Variants in POFUT3 observed in about 807,000 individuals in gnomAD.
The protein encoded by POFUT3 is protein O-fucosyltransferase 3.
the POFUT3 span, among the ~76,000 whole-genome samples, chr8:33,376,287 A>T: frequency 6.6e-6 from 1 of 152,198 alleles, no homozygotes; most frequent in African/African-American, 2.4e-5. Context: ...ATCTTCATCC[A>T]TTCCAAATTT....
chr8:33,336,147 T>C, the POFUT3 span, among the ~76,000 whole-genome samples: 2 of 152,260 alleles, frequency 1.3e-5, no homozygotes, highest in African/African-American at 4.8e-5. Context: ...TTAACGTTTC[T>C]CTATCATTTT....
the POFUT3 span, among the ~76,000 whole-genome samples, chr8:33,379,893 C>CATATACACTATATATATGCTATAT: frequency 2.6e-5 from 3 of 116,620 alleles, no homozygotes; most frequent in East Asian, 4.6e-4. Flanking sequence ...ATATAACATA[C>CATATACACTATATATATGCTATAT]ATATACACTA....
the POFUT3 span, among the ~76,000 whole-genome samples, chr8:33,435,562 G>A: frequency 6.6e-6 from 1 of 151,658 alleles, no homozygotes; most frequent in South Asian, 2.1e-4. Context: ...TGTCACCCAG[G>A]CTAGAGTGCA....
the POFUT3 span, among the ~76,000 whole-genome samples, chr8:33,369,255 T>C: frequency 6.6e-6 from 1 of 152,240 alleles, no homozygotes; most frequent in East Asian, 1.9e-4. Context: ...AGAAAGGCCA[T>C]ATAACTTGAC....
the POFUT3 span, among the ~76,000 whole-genome samples, chr8:33,351,277 T>G: frequency 6.6e-6 from 1 of 152,162 alleles, no homozygotes; most frequent in Non-Finnish European, 1.5e-5. Context: ...TTTAAATATG[T>G]TTTAAAGTCA....
chr8:33,327,165 G>A, the POFUT3 span, among the ~76,000 whole-genome samples: 5 of 152,184 alleles, frequency 3.3e-5, no homozygotes, highest in East Asian at 9.6e-4. Context: ...TGGTCTCCCA[G>A]TAAGCCCTGG....
chr8:33,383,407 C>A, the POFUT3 span, among the ~76,000 whole-genome samples: 1 of 152,146 alleles, frequency 6.6e-6, no homozygotes, highest in Non-Finnish European at 1.5e-5. Context: ...TGCTTTATCA[C>A]CAGCACTCAA....
At chr8:33,427,121 T>C in the POFUT3 span, among the ~76,000 whole-genome samples, 1 of 152,144 alleles carries the variant, frequency 6.6e-6, no homozygotes, top group Non-Finnish European at 1.5e-5. Context: ...AGGTGCTCAC[T>C]TTACAACTTC....
the POFUT3 span, chr8:33,372,741 A>G: frequency 6.2e-7 from 1 of 1,613,934 alleles, no homozygotes; most frequent in African/African-American, 1.3e-5. Context: ...GAGAAAGCAA[A>G]CACTGTGGGC....
chr8:33,374,687 CA>C, the POFUT3 span, among the ~76,000 whole-genome samples: 1 of 152,072 alleles, frequency 6.6e-6, no homozygotes, highest in Non-Finnish European at 1.5e-5. Flanking sequence ...AGGGAAAAGG[CA>C]TACAGAACTC....
the POFUT3 span, among the ~76,000 whole-genome samples, chr8:33,441,007 T>C: frequency 6.6e-6 from 1 of 152,104 alleles, no homozygotes; most frequent in Non-Finnish European, 1.5e-5. Flanking sequence ...AAACTATGAC[T>C]GTAAAATTTG....
At chr8:33,444,925 A>G in the POFUT3 span, among the ~76,000 whole-genome samples, 11 of 126,934 alleles carry the variant, frequency 8.7e-5, no homozygotes, top group African/African-American at 3.0e-4. Flanking sequence ...TTCAGTTATG[A>G]CCTTCATCTT....
At chr8:33,364,402 C>G in the POFUT3 span, among the ~76,000 whole-genome samples, 1 of 152,034 alleles carries the variant, frequency 6.6e-6, no homozygotes, top group Non-Finnish European at 1.5e-5. Context: ...ATTCAATATA[C>G]TGTTGGAAGT....
the POFUT3 span, chr8:33,389,681 G>A: frequency 5.3e-4 from 850 of 1,614,140 alleles, 1 homozygote; most frequent in African/African-American, 0.01. Flanking sequence ...GTTGAACAAG[G>A]TGATCACTGG....
At chr8:33,465,431 G>T in the POFUT3 span, among the ~76,000 whole-genome samples, 7,700 of 31,848 alleles carry the variant, frequency 0.24, 269 homozygotes, top group African/African-American at 0.35. Context: ...TATATATATA[G>T]AGAGAGAGAG....
the POFUT3 span, among the ~76,000 whole-genome samples, chr8:33,392,962 C>T: frequency 1.3e-5 from 2 of 152,250 alleles, no homozygotes; most frequent in East Asian, 3.9e-4. Flanking sequence ...TCCTGGGCGA[C>T]AGAGTGAGAC....
At chr8:33,430,523 G>A in the POFUT3 span, among the ~76,000 whole-genome samples, 10 of 152,260 alleles carry the variant, frequency 6.6e-5, no homozygotes, top group Admixed American at 2.6e-4. Context: ...AGCCAATCAC[G>A]TGTCAAAGAC....
the POFUT3 span, among the ~76,000 whole-genome samples, chr8:33,472,345 C>T: frequency 1.3e-5 from 2 of 152,126 alleles, no homozygotes; most frequent in African/African-American, 4.8e-5. Flanking sequence ...GTGACATTTG[C>T]TTTATTTTAA....
the POFUT3 span, chr8:33,389,137 C>G: frequency 6.2e-7 from 1 of 1,614,182 alleles, no homozygotes; most frequent in Non-Finnish European, 8.5e-7. Flanking sequence ...AGGCCTCATA[C>G]AATCTGTCAT....
Sources: gnomAD v4.1 joint callset for allele counts (sites outside exome capture counted in the v4.1 genomes callset) on GRCh38, gnomAD v4.1.1 for gene constraint, MANE v1.5 for transcripts, NCBI Gene and HGNC (gene_info 2026-07-23, HGNC 2026-07-21) for gene names.